DCDC2: variants seen among roughly 807,000 people sequenced by gnomAD.
DCDC2 encodes the protein doublecortin domain containing 2.
A neutral mutation model predicts 50.2 loss-of-function variants in DCDC2; 40 were observed. That is an observed-to-expected ratio of 0.80 (90% CI 0.62 to 1.04). The LOEUF (loss-of-function observed/expected upper bound fraction) is 1.04. Among genes scored for constraint, DCDC2 ranks in the 50% least tolerant of loss-of-function variants. The probability of loss-of-function intolerance (pLI) is 0.00; values close to 1 mark genes in which losing one functional copy is unlikely to be tolerated. For missense variants in DCDC2, 570 were observed against 581.9 expected (o/e 0.98, Z 0.21); for synonymous variants, 234 against 210.6 (o/e 1.11, Z -0.96).
chr6:24,281,524 G>T (rs1262944420), intron 6 of DCDC2, among the ~76,000 whole-genome samples: 4 of 148,506 alleles, frequency 2.7e-5, no homozygotes, highest in African/African-American at 9.8e-5. Context: ...GGTGAAGGGG[G>T]AGAAGAGAAA....
chr6:24,224,331 C>A (rs995475758), intron 7 of DCDC2, among the ~76,000 whole-genome samples: 2 of 152,180 alleles, frequency 1.3e-5, no homozygotes, highest in African/African-American at 4.8e-5. Context: ...CAGAGCCCTG[C>A]GCTTCAAAAG....
intron 7 of DCDC2, among the ~76,000 whole-genome samples, chr6:24,216,674 C>T (rs950285907): frequency 6.6e-6 from 1 of 152,256 alleles, no homozygotes; most frequent in Non-Finnish European, 1.5e-5. Flanking sequence ...GCCTTTATCA[C>T]AGATGTCAGC....
intron 2 of DCDC2, among the ~76,000 whole-genome samples, chr6:24,341,943 C>T (rs1760161753): frequency 5.2e-5 from 2 of 38,408 alleles, no homozygotes; most frequent in African/African-American, 1.7e-4. Flanking sequence ...CATGTGTGCA[C>T]GCGTACACAC....
At chr6:24,285,730 AT>A (rs1167328618) in intron 6 of DCDC2, among the ~76,000 whole-genome samples, 1 of 152,220 alleles carries the variant, frequency 6.6e-6, no homozygotes, top group Non-Finnish European at 1.5e-5. Flanking sequence ...CACATTTTTA[AT>A]TAAAATTTTA....
intron 8 of DCDC2, among the ~76,000 whole-genome samples, chr6:24,181,067 G>A (rs1025687730): frequency 1.3e-5 from 2 of 152,162 alleles, no homozygotes; most frequent in South Asian, 2.1e-4. Context: ...AAGACACCGT[G>A]AGCCTAGGCT....
intron 8 of DCDC2, among the ~76,000 whole-genome samples, chr6:24,197,874 T>G (rs1013133619): frequency 3.3e-5 from 5 of 152,186 alleles, no homozygotes; most frequent in African/African-American, 1.2e-4. Context: ...TTCCCCCTCC[T>G]CACCTAAACT....
At chr6:24,373,007 G>A in the DCDC2 span, among the ~76,000 whole-genome samples, 31 of 152,322 alleles carry the variant, frequency 2.0e-4, no homozygotes, top group African/African-American at 7.0e-4. Context: ...ATGAAAAGAT[G>A]TTCACTTCAT....
chr6:24,351,308 T>C (rs566578426), intron 2 of DCDC2, among the ~76,000 whole-genome samples: 1 of 152,152 alleles, frequency 6.6e-6, no homozygotes, highest in South Asian at 2.1e-4. Flanking sequence ...GTGAGGGAAG[T>C]GAACACACTG....
At chr6:24,207,879 T>C (rs1005049089) in intron 7 of DCDC2, among the ~76,000 whole-genome samples, 3 of 152,214 alleles carry the variant, frequency 2.0e-5, no homozygotes, top group Non-Finnish European at 4.4e-5. Context: ...AATTATCTCA[T>C]GGGCATCCTG....
upstream of DCDC2, among the ~76,000 whole-genome samples, chr6:24,359,207 T>A (rs867642532): frequency 1.4e-5 from 1 of 71,450 alleles, no homozygotes; most frequent in Non-Finnish European, 2.3e-5. Context: ...TATATATATT[T>A]TATATATTAT....
At chr6:24,349,998 A>G (rs1006663308) in intron 2 of DCDC2, among the ~76,000 whole-genome samples, 3 of 151,678 alleles carry the variant, frequency 2.0e-5, no homozygotes, top group African/African-American at 7.3e-5. Flanking sequence ...CCTCCACCCC[A>G]TTACTTCCTG....
At chr6:24,216,798 G>A (rs543103784) in intron 7 of DCDC2, among the ~76,000 whole-genome samples, 5 of 152,344 alleles carry the variant, frequency 3.3e-5, no homozygotes, top group South Asian at 2.1e-4. Flanking sequence ...AAGTTAAACC[G>A]ATAGAGATCA....
chr6:24,183,521 C>T (rs149494192), intron 8 of DCDC2, among the ~76,000 whole-genome samples: 116 of 152,152 alleles, frequency 7.6e-4, no homozygotes, highest in Middle Eastern at 3.4e-3. Context: ...GAAAACATGG[C>T]GGATGGTTCC....
Position 24,182,438 on chromosome 6 carries a change from T to C in DCDC2, c.1024-3806A>G, listed in dbSNP as rs371726886. On this transcript the variant is annotated intron_variant, in intron 8 of 9. Coordinates refer to ENST00000378454, the MANE Select transcript of DCDC2 (RefSeq NM_016356.5). ...ATAAAGGCTTGATATCTAGAATATA[T>C]AGGGAACACCTAAAACTCAACAACA... 9.1e-4 allele frequency among the ~76,000 whole-genome samples: 138 copies of C among 152,098 alleles called. No homozygotes were observed. The South Asian group carries it at 0.027, about 30-fold the overall frequency.
At chr6:24,360,301 G>C (rs1240911424), upstream of DCDC2, among the ~76,000 whole-genome samples, 5 of 152,148 alleles carry the variant, frequency 3.3e-5, no homozygotes, top group Non-Finnish European at 7.4e-5. Context: ...ATGATCATGC[G>C]CTCATTCATC....
the DCDC2 span, among the ~76,000 whole-genome samples, chr6:24,364,577 T>A: frequency 2.6e-5 from 4 of 152,370 alleles, no homozygotes; most frequent in East Asian, 7.7e-4. Flanking sequence ...TTCATCAATG[T>A]CTTACTAGTA....
chr6:24,358,813 T>A (rs868147506), upstream of DCDC2, among the ~76,000 whole-genome samples: 1 of 31,588 alleles, frequency 3.2e-5, no homozygotes, highest in Non-Finnish European at 5.9e-5. Flanking sequence ...ATATTATATA[T>A]AAATATATAT....
chr6:24,374,572 C>T, the DCDC2 span, among the ~76,000 whole-genome samples: 35 of 63,850 alleles, frequency 5.5e-4, 1 homozygote, highest in East Asian at 0.02. Context: ...CAGCAAGACT[C>T]CATCCAAAAA....
chr6:24,338,863 C>T lies in DCDC2; in HGVS notation c.348+14706G>A, dbSNP rs551242721. On this transcript the variant is annotated intron_variant, in intron 2 of 9. Transcript: ENST00000378454. ...TTCACCATGTTGGCCAGGCTGGTCT[C>T]AAACTCCTGACCTCAGGTGATCCGC... Among the ~76,000 whole-genome samples, 514 of 152,258 alleles carry T rather than the reference C, an allele frequency of 3.4e-3. 1 individual carries two copies. The highest frequency in any genetic ancestry group is 5.7e-3 in the Non-Finnish European group (391 of 68,008).
Sources: gnomAD v4.1 joint callset for allele counts (sites outside exome capture counted in the v4.1 genomes callset) on GRCh38, gnomAD v4.1.1 for gene constraint, MANE v1.5 for transcripts, NCBI Gene and HGNC (gene_info 2026-07-23, HGNC 2026-07-21) for gene names.